The following SP100 variants were observed in gnomAD, a reference collection of about 807,000 sequenced individuals.
The protein encoded by SP100 is SP100 nuclear body protein.
Under a neutral mutation model 130.0 loss-of-function variants are expected in SP100, and 84 were observed. The observed-to-expected ratio is 0.65, with a 90% confidence interval of 0.54 to 0.77. The LOEUF is 0.77. SP100 is among the 30% of genes least tolerant of loss of function. SP100 has a pLI of 0.00. For missense variants in SP100, 978 were observed against 1,052.2 expected, an observed-to-expected ratio of 0.93 and a Z score of 0.97; for synonymous variants, 331 against 351.7, an observed-to-expected ratio of 0.94 and a Z score of 0.66.
rs570306018 is a variant in SP100, at chr2:230,530,161, G to A, written c.2095-9106G>A. Among the ~76,000 whole-genome samples, 3 of 152,258 alleles carry A rather than the reference G, an allele frequency of 2.0e-5. No individual in the cohort carries two copies. In the East Asian group the frequency reaches 5.8e-4, roughly 29 times the overall value. On this transcript the variant is annotated intron_variant, in intron 24 of 28. Coordinates refer to ENST00000340126, the MANE Select transcript of SP100 (RefSeq NM_001080391.2). ...AAAAGAACAAAGCTAGAGGTATCAT[G>A]CTACCTGACTTCAAACTATAATACA...
intron 24 of SP100, among the ~76,000 whole-genome samples, chr2:230,514,019 T>G (rs1395861957): frequency 1.3e-5 from 2 of 151,064 alleles, no homozygotes; most frequent in African/African-American, 4.9e-5. Context: ...TAGTTGCTGT[T>G]GCTTGTTGAA....
At chr2:230,482,822 G>A (rs562925487) in intron 17 of SP100, among the ~76,000 whole-genome samples, 1 of 152,118 alleles carries the variant, frequency 6.6e-6, no homozygotes, top group South Asian at 2.1e-4. Context: ...ATATCAGGTA[G>A]GGTAAGTTCT....
At chr2:230,461,543 G>A in intron 9 of SP100, 129 bp downstream of exon 9, 1 of 825,472 alleles carries the variant, frequency 1.2e-6, no homozygotes, top group Non-Finnish European at 2.0e-6. Context: ...AAAGGGGCTG[G>A]CACCTGATGC....
chr2:230,453,425 T>G (rs902812244), intron 8 of SP100, among the ~76,000 whole-genome samples: 1 of 152,222 alleles, frequency 6.6e-6, no homozygotes, highest in African/African-American at 2.4e-5. Context: ...TTTTTTGTCA[T>G]TAAGTATGGT....
intron 2 of SP100, among the ~76,000 whole-genome samples, chr2:230,429,288 G>A (rs1960522): frequency 9.9e-5 from 15 of 152,084 alleles, no homozygotes; most frequent in Non-Finnish European, 1.9e-4. Context: ...ATCTCTCCTG[G>A]GCTGAGAGGA....
Position 230,466,201 on chromosome 2 carries a change from A to AAAAAAAAAC in SP100, c.1142-98_1142-97insAAAAAACAA, listed in dbSNP as rs35220862. On this transcript the variant is annotated intron_variant, in intron 11 of 28. Transcript: ENST00000340126. Reference sequence around the variant, plus strand: ...CTCCATCTCAAAAAAAAAAAAAAAAAAACTTTGTTATTAACCCAAGCCCAT... The same window carrying AAAAAAAAAC: ...CTCCATCTCAAAAAAAAAAAAAAAAAAAAAAAAACAACTTTGTTATTAACCCAAGCCCAT... 1.8e-4 allele frequency: 104 copies of AAAAAAAAAC among 575,746 alleles called. 1 individual carries two copies. Among genetic ancestry groups the AAAAAAAAAC allele is most frequent in the African/African-American group, 7.2e-4 (35 of 48,288 alleles). 35.7% of individuals were successfully genotyped at this position (575,746 alleles called of 1,614,324 possible).
chr2:230,445,541 G>T (rs1226472842), intron 4 of SP100, among the ~76,000 whole-genome samples: 1 of 152,178 alleles, frequency 6.6e-6, no homozygotes, highest in African/African-American at 2.4e-5. Context: ...AACAAGGAAA[G>T]AAGTGTAAGC....
intron 18 of SP100, among the ~76,000 whole-genome samples, chr2:230,498,102 A>G (rs557484688): frequency 7.9e-5 from 12 of 152,376 alleles, no homozygotes; most frequent in Admixed American, 2.0e-4. Context: ...ATGAATTAGT[A>G]GATGTAAATA....
chr2:230,534,967 C>T lies in SP100; in HGVS notation c.2095-4300C>T, dbSNP rs562021901. Among the ~76,000 whole-genome samples the T allele has an allele frequency of 5.9e-5, 9 of 152,196 alleles. No homozygotes were observed. In the South Asian group the frequency reaches 1.0e-3, roughly 18 times the overall value. On this transcript the variant is annotated intron_variant, in intron 24 of 28. Coordinates refer to ENST00000340126, the MANE Select transcript of SP100 (RefSeq NM_001080391.2). ...ATCCCAGCACTTTGGGAGGCCAAGA[C>T]GGGTGGATCACAAGGTCAGGAGTTC...
At chr2:230,511,220 C>A in intron 24 of SP100, 54 bp downstream of exon 24, 1 of 1,169,834 alleles carries the variant, frequency 8.5e-7, no homozygotes, top group Non-Finnish European at 1.3e-6. Context: ...TTTCTCCAGG[C>A]ACACTATGTC....
At chr2:230,530,882 C>T (rs1691669124) in intron 24 of SP100, among the ~76,000 whole-genome samples, 1 of 152,142 alleles carries the variant, frequency 6.6e-6, no homozygotes, top group South Asian at 2.1e-4. Context: ...CCATCTCACG[C>T]CAGGTAGAAT....
chr2:230,470,151 A>G, intron 15 of SP100, 53 bp downstream of exon 15: 1 of 1,561,502 alleles, frequency 6.4e-7, no homozygotes, highest in Non-Finnish European at 8.7e-7. Context: ...AGGAATGTGA[A>G]TTAAAAGCTG....
chr2:230,472,550 G>T (rs1600297), intron 15 of SP100, among the ~76,000 whole-genome samples: 35,113 of 150,504 alleles, frequency 0.23, 4,989 homozygotes, highest in Middle Eastern at 0.33. Context: ...TAGATCTAAA[G>T]ATATAAACAG....
At chr2:230,457,485 A>G (rs1017113970) in intron 8 of SP100, among the ~76,000 whole-genome samples, 11 of 152,198 alleles carry the variant, frequency 7.2e-5, no homozygotes, top group African/African-American at 1.9e-4. Context: ...GACCATGGGT[A>G]CTGGCTAGAG....
At chr2:230,472,153 G>T (rs1393179106) in intron 15 of SP100, among the ~76,000 whole-genome samples, 1 of 152,086 alleles carries the variant, frequency 6.6e-6, no homozygotes, top group Non-Finnish European at 1.5e-5. Flanking sequence ...TAAGGGCCAG[G>T]CGCAGTGACT....
chr2:230,463,449 A>C (rs1162994041), intron 10 of SP100, among the ~76,000 whole-genome samples: 1 of 152,174 alleles, frequency 6.6e-6, no homozygotes, highest in Non-Finnish European at 1.5e-5. Flanking sequence ...GGGAAAATAC[A>C]CTAGGGAAAG....
At chr2:230,500,605 A>G (rs1409119757) in intron 19 of SP100, among the ~76,000 whole-genome samples, 2 of 152,218 alleles carry the variant, frequency 1.3e-5, no homozygotes, top group African/African-American at 2.4e-5. Flanking sequence ...CTTTATGAGA[A>G]AGAAGAAAGC....
intron 24 of SP100, among the ~76,000 whole-genome samples, chr2:230,522,936 TC>T (rs1276780616): frequency 6.6e-6 from 1 of 152,268 alleles, no homozygotes; most frequent in East Asian, 1.9e-4. Flanking sequence ...TGCCTCAGCC[TC>T]CCAAGTAGCT....
chr2:230,436,739 A>G (rs1343002391), intron 2 of SP100, among the ~76,000 whole-genome samples: 1 of 152,192 alleles, frequency 6.6e-6, no homozygotes, highest in Non-Finnish European at 1.5e-5. Context: ...TATTAGGTCT[A>G]TAGGTTTCCT....
Sources: gnomAD v4.1 joint callset for allele counts (sites outside exome capture counted in the v4.1 genomes callset) on GRCh38, gnomAD v4.1.1 for gene constraint, MANE v1.5 for transcripts, NCBI Gene and HGNC (gene_info 2026-07-23, HGNC 2026-07-21) for gene names.